Variants in ARHGAP39 observed in about 807,000 individuals in gnomAD.
ARHGAP39 encodes the protein Rho GTPase activating protein 39.
ARHGAP39 carries 44 observed loss-of-function variants against 106.9 expected under a neutral mutation model. That is an observed-to-expected ratio of 0.41 (90% CI 0.32 to 0.53). ARHGAP39 has a LOEUF of 0.53. Ranked by LOEUF, ARHGAP39 falls within the 20% of genes least tolerant of loss-of-function variation. The pLI is 0.21. For synonymous variants in ARHGAP39, 768 were observed against 693.2 expected, an observed-to-expected ratio of 1.11 and a Z score of -1.69; for missense variants, 1,496 against 1,577.3, an observed-to-expected ratio of 0.95 and a Z score of 0.87.
At chr8:144,680,973 G>A (rs372027012) in intron 1 of ARHGAP39, among the ~76,000 whole-genome samples, 8 of 152,170 alleles carry the variant, frequency 5.3e-5, no homozygotes, top group Non-Finnish European at 8.8e-5. Context: ...TGACCAACAC[G>A]AGTTTTAGGG....
At chr8:144,534,539 G>C (rs1326960837) in intron 7 of ARHGAP39, among the ~76,000 whole-genome samples, 2 of 152,224 alleles carry the variant, frequency 1.3e-5, no homozygotes, top group Admixed American at 1.3e-4. Flanking sequence ...GCCTGACCCA[G>C]GGAGCTGTCC....
intron 3 of ARHGAP39, among the ~76,000 whole-genome samples, chr8:144,563,622 TAA>T (rs999572618): frequency 6.8e-6 from 1 of 146,818 alleles, no homozygotes; most frequent in African/African-American, 2.5e-5. Context: ...CTTATCTCTA[TAA>T]AAAAAAAATA....
At position 144,627,950 on chromosome 8, in the gene ARHGAP39, G is replaced by C. The variant is rs192422979; in HGVS notation, c.-81-22255C>G. On this transcript the variant is annotated intron_variant, in intron 1 of 11. Coordinates refer to ENST00000377307, the MANE Select transcript of ARHGAP39 (RefSeq NM_025251.3). Reference sequence around the variant, plus strand: ...TGCCCCTGCCTCGGAGCCAGTGGGGGGCCCGCCGCAACTCAGACTCTGGCC... The same window carrying C: ...TGCCCCTGCCTCGGAGCCAGTGGGGCGCCCGCCGCAACTCAGACTCTGGCC... Among the ~76,000 whole-genome samples the C allele has an allele frequency of 7.4e-4, 113 of 152,298 alleles. 2 individuals are homozygous for C. In the East Asian group the frequency reaches 0.019, roughly 25 times the overall value.
intron 7 of ARHGAP39, among the ~76,000 whole-genome samples, 199 bp downstream of exon 7, chr8:144,537,522 C>A (rs1433213595): frequency 6.6e-6 from 1 of 152,172 alleles, no homozygotes; most frequent in African/African-American, 2.4e-5. Flanking sequence ...CACAAAGACA[C>A]GTGTGGACAG....
At chr8:144,698,063 C>T in the ARHGAP39 span, among the ~76,000 whole-genome samples, 4 of 152,038 alleles carry the variant, frequency 2.6e-5, no homozygotes, top group Non-Finnish European at 5.9e-5. Context: ...AGATTTGATC[C>T]CCAATGTTGG....
At chr8:144,631,499 T>C (rs1240651867) in intron 1 of ARHGAP39, among the ~76,000 whole-genome samples, 1 of 152,258 alleles carries the variant, frequency 6.6e-6, no homozygotes, top group Non-Finnish European at 1.5e-5. Context: ...TGATATCCTC[T>C]CGTTCCTGAG....
intron 3 of ARHGAP39, among the ~76,000 whole-genome samples, chr8:144,567,094 G>A (rs1468879996): frequency 2.6e-5 from 4 of 152,190 alleles, no homozygotes; most frequent in African/African-American, 9.7e-5. Flanking sequence ...TGAGGCAAGA[G>A]ACTGAAGGCA....
intron 2 of ARHGAP39, among the ~76,000 whole-genome samples, chr8:144,600,057 G>C (rs995339699): frequency 6.6e-6 from 1 of 151,990 alleles, no homozygotes; most frequent in Admixed American, 6.6e-5. Context: ...ATGCATGCAT[G>C]TTCATGTACC....
In ARHGAP39 at chr8:144,585,245, T is replaced by G. The variant is rs1457960532; in HGVS notation, c.81-3968A>C. Among the ~76,000 whole-genome samples the G allele has an allele frequency of 6.6e-6, 1 of 151,712 alleles. No homozygotes were observed. The highest frequency in any genetic ancestry group is 2.4e-5 in the African/African-American group (1 of 41,258). On this transcript the variant is annotated intron_variant, in intron 2 of 11. Coordinates refer to ENST00000377307, the MANE Select transcript of ARHGAP39 (RefSeq NM_025251.3). The surrounding 1 kb of genome is among the most constrained non-coding windows in gnomAD (Gnocchi z 4.6). Reference sequence around the variant, plus strand: ...GCTCCAGATGCAATGGCAGACTCACTCTTCTTCCCAAGGGCCTCACCTGTC... The same window carrying G: ...GCTCCAGATGCAATGGCAGACTCACGCTTCTTCCCAAGGGCCTCACCTGTC...
chr8:144,594,524 G>A (rs1258143360), intron 2 of ARHGAP39, among the ~76,000 whole-genome samples: 2 of 151,718 alleles, frequency 1.3e-5, no homozygotes, highest in Non-Finnish European at 2.9e-5. Flanking sequence ...GTGAAACCCC[G>A]TCTCTACTAA....
intron 1 of ARHGAP39, among the ~76,000 whole-genome samples, chr8:144,629,386 G>A (rs1401729711): frequency 1.3e-5 from 2 of 152,142 alleles, no homozygotes; most frequent in Non-Finnish European, 2.9e-5. Flanking sequence ...AGGCTCCAGC[G>A]GGGCTGAGGC....
At chr8:144,580,311 C>T (rs193246236) in intron 3 of ARHGAP39, among the ~76,000 whole-genome samples, 16 of 152,292 alleles carry the variant, frequency 1.1e-4, no homozygotes, top group African/African-American at 3.4e-4. Flanking sequence ...CACGCCCGCA[C>T]GCAAATCCCC....
At chr8:144,657,949 A>C (rs1821736814) in intron 1 of ARHGAP39, among the ~76,000 whole-genome samples, 1 of 152,120 alleles carries the variant, frequency 6.6e-6, no homozygotes, top group African/African-American at 2.4e-5. Context: ...AAATAAAAAA[A>C]CAACAATATA....
chr8:144,550,623 G>A (rs973361457), intron 4 of ARHGAP39, among the ~76,000 whole-genome samples: 4 of 152,222 alleles, frequency 2.6e-5, no homozygotes, highest in Admixed American at 2.6e-4. Context: ...TGGGCTGTGG[G>A]CCCTCTCAGC....
intron 1 of ARHGAP39, among the ~76,000 whole-genome samples, chr8:144,630,648 C>G (rs955668216): frequency 1.4e-4 from 21 of 152,352 alleles, no homozygotes; most frequent in African/African-American, 5.0e-4. Context: ...ATGCTAGACC[C>G]AGAACCCCAT....
At chr8:144,655,609 G>A (rs990671767) in intron 1 of ARHGAP39, among the ~76,000 whole-genome samples, 33 of 152,110 alleles carry the variant, frequency 2.2e-4, no homozygotes, top group African/African-American at 7.2e-4. Context: ...CTGCAGAGAC[G>A]ACAGGACGAC....
chr8:144,658,183 C>T (rs1276036901), intron 1 of ARHGAP39, among the ~76,000 whole-genome samples: 1 of 152,106 alleles, frequency 6.6e-6, no homozygotes, highest in Non-Finnish European at 1.5e-5. Context: ...GATCTTGGCT[C>T]ACTGTAACCT....
Position 144,548,639 on chromosome 8 carries a change from C to A in ARHGAP39, c.597-150G>T, listed in dbSNP as rs1050419774. Reference sequence around the variant, plus strand: ...CCCTGTGGCCTGGCGCCCCTCACACCTGCCTTGCCCCAGCACCCCCAGCCC... The same window carrying A: ...CCCTGTGGCCTGGCGCCCCTCACACATGCCTTGCCCCAGCACCCCCAGCCC... On this transcript the variant is annotated intron_variant, in intron 4 of 11. Coordinates refer to ENST00000377307, the MANE Select transcript of ARHGAP39 (RefSeq NM_025251.3). This position sits in a 1 kb window ranked among gnomAD's most constrained non-coding sequence, Gnocchi z 7.4. 7.0e-6 allele frequency: 8 copies of A among 1,145,660 alleles called. No homozygotes were observed. The Admixed American group carries it at 1.7e-4, about 25-fold the overall frequency. The allele number at this position is 1,145,660 out of a possible 1,614,324, so 71.0% of individuals were successfully genotyped here.
intron 1 of ARHGAP39, among the ~76,000 whole-genome samples, chr8:144,656,213 C>T (rs868497155): frequency 6.8e-6 from 1 of 147,104 alleles, no homozygotes; most frequent in Non-Finnish European, 1.5e-5. Flanking sequence ...AAAAAAAAGG[C>T]CAGGTGTAGT....
Sources: gnomAD v4.1 joint callset for allele counts (sites outside exome capture counted in the v4.1 genomes callset) on GRCh38, gnomAD v4.1.1 for gene constraint, Gnocchi (gnomAD v3.1) non-coding constraint, MANE v1.5 for transcripts, NCBI Gene and HGNC (gene_info 2026-07-23, HGNC 2026-07-21) for gene names.